The following SGMS1 variants were observed in gnomAD, a reference collection of about 807,000 sequenced individuals.
SGMS1 encodes phosphatidylcholine:ceramide cholinephosphotransferase 1.
In SGMS1, 13 loss-of-function variants were observed where a neutral mutation model predicts 46.2. That is an observed-to-expected ratio of 0.28 (90% CI 0.18 to 0.45). SGMS1 has a LOEUF of 0.45. SGMS1 is among the 20% of genes least tolerant of loss of function. The pLI is 1.00. For missense variants in SGMS1, 324 were observed against 519.9 expected (o/e 0.62, Z 3.66); for synonymous variants, 203 against 187.8 (o/e 1.08, Z -0.66).
At chr10:50,611,875 C>T (rs974509670) in intron 1 of SGMS1, among the ~76,000 whole-genome samples, 2 of 152,286 alleles carry the variant, frequency 1.3e-5, no homozygotes, top group Admixed American at 1.3e-4. Flanking sequence ...CACTGGCACC[C>T]CCCATCCCCT....
intron 6 of SGMS1, among the ~76,000 whole-genome samples, chr10:50,391,441 A>G (rs2133508665): frequency 6.6e-6 from 1 of 152,348 alleles, no homozygotes; most frequent in East Asian, 1.9e-4. Context: ...GCCAATCATT[A>G]GAGAAATGCA....
At chr10:50,456,755 G>A (rs2133676256) in intron 5 of SGMS1, among the ~76,000 whole-genome samples, 1 of 152,288 alleles carries the variant, frequency 6.6e-6, no homozygotes, top group South Asian at 2.1e-4. Flanking sequence ...CCAACTAGGA[G>A]AGCCAAATCA....
At chr10:50,319,158 C>T (rs1445015613) in intron 8 of SGMS1, among the ~76,000 whole-genome samples, 1 of 113,062 alleles carries the variant, frequency 8.8e-6, no homozygotes, top group African/African-American at 3.9e-5. Context: ...TGAGATTTGC[C>T]ACCAAAAAAA....
At chr10:50,546,826 C>T (rs765905471) in intron 2 of SGMS1, among the ~76,000 whole-genome samples, 4 of 151,882 alleles carry the variant, frequency 2.6e-5, no homozygotes, top group Non-Finnish European at 4.4e-5. Context: ...ACATATGTAA[C>T]AAACCTTCAC....
chr10:50,509,973 A>T (rs1837739625), intron 3 of SGMS1, among the ~76,000 whole-genome samples: 1 of 152,208 alleles, frequency 6.6e-6, no homozygotes, highest in Non-Finnish European at 1.5e-5. Context: ...TGACAAACAC[A>T]CACAGTCATG....
chr10:50,382,893 G>A (rs986038966), intron 6 of SGMS1, among the ~76,000 whole-genome samples: 1 of 152,078 alleles, frequency 6.6e-6, no homozygotes, highest in African/African-American at 2.4e-5. Flanking sequence ...CAATGTCTTG[G>A]CAAACAGCAA....
At chr10:50,622,216 C>A (rs1313336957) in intron 1 of SGMS1, among the ~76,000 whole-genome samples, 3 of 152,220 alleles carry the variant, frequency 2.0e-5, no homozygotes, top group African/African-American at 7.2e-5. Context: ...GCACCCATCC[C>A]CCGCAGCCTT....
chr10:50,427,355 C>T (rs1299231793), intron 6 of SGMS1, among the ~76,000 whole-genome samples: 1 of 152,142 alleles, frequency 6.6e-6, no homozygotes, highest in Admixed American at 6.5e-5. Context: ...GCCGAGATGG[C>T]GCCACAGCAC....
At chr10:50,622,485 T>C (rs889113082) in intron 1 of SGMS1, among the ~76,000 whole-genome samples, 5 of 152,104 alleles carry the variant, frequency 3.3e-5, no homozygotes, top group African/African-American at 1.2e-4. Flanking sequence ...GGGAGCCAAC[T>C]AGAAACATCC....
chr10:50,419,353 T>TA (rs1263228698), intron 6 of SGMS1, among the ~76,000 whole-genome samples: 8 of 152,220 alleles, frequency 5.3e-5, no homozygotes, highest in African/African-American at 1.9e-4. Context: ...GTTAAATATC[T>TA]AAAGAATTTT....
At chr10:50,620,690 A>G (rs1012880793) in intron 1 of SGMS1, among the ~76,000 whole-genome samples, 9 of 152,250 alleles carry the variant, frequency 5.9e-5, no homozygotes, top group African/African-American at 2.2e-4. Context: ...ATGAACTGGC[A>G]GCACACTCAT....
chr10:50,490,528 CA>C (rs1166043881), intron 3 of SGMS1, among the ~76,000 whole-genome samples: 4 of 152,186 alleles, frequency 2.6e-5, no homozygotes, highest in African/African-American at 9.7e-5. Context: ...GATTTCACAT[CA>C]TATGGTTTCT....
intron 6 of SGMS1, among the ~76,000 whole-genome samples, chr10:50,384,934 T>C (rs2133486611): frequency 6.6e-6 from 1 of 152,326 alleles, no homozygotes; most frequent in South Asian, 2.1e-4. Context: ...CTTTTTAATT[T>C]CACAAATTTC....
At chr10:50,370,065 A>G (rs575982221) in intron 6 of SGMS1, among the ~76,000 whole-genome samples, 2 of 152,292 alleles carry the variant, frequency 1.3e-5, no homozygotes, top group South Asian at 2.1e-4. Context: ...GACACCTATA[A>G]AGGGCACTTA....
intron 3 of SGMS1, among the ~76,000 whole-genome samples, chr10:50,510,691 T>C (rs995362614): frequency 6.6e-6 from 1 of 152,090 alleles, no homozygotes; most frequent in African/African-American, 2.4e-5. Context: ...CTGTGTATCC[T>C]TCACCCAGCT....
chr10:50,314,758 A>T (rs1476092350), intron 8 of SGMS1, among the ~76,000 whole-genome samples: 1 of 150,902 alleles, frequency 6.6e-6, no homozygotes, highest in Non-Finnish European at 1.5e-5. Context: ...CTGTCTGTAC[A>T]AAAAATGTAA....
intron 5 of SGMS1, among the ~76,000 whole-genome samples, chr10:50,436,191 G>A (rs960633338): frequency 5.3e-5 from 8 of 152,188 alleles, no homozygotes; most frequent in Admixed American, 2.0e-4. Flanking sequence ...TGCAAGCTCC[G>A]CCTCCCGGGT....
chr10:50,480,374 T>C (rs1837464863), intron 3 of SGMS1, among the ~76,000 whole-genome samples: 2 of 151,602 alleles, frequency 1.3e-5, no homozygotes, highest in African/African-American at 4.8e-5. Flanking sequence ...GAAGCAGCTG[T>C]GGACAGCAGC....
intron 6 of SGMS1, among the ~76,000 whole-genome samples, chr10:50,356,918 G>C (rs1020793859): frequency 3.3e-5 from 5 of 152,014 alleles, no homozygotes; most frequent in African/African-American, 1.2e-4. Context: ...GGCCTATTGT[G>C]GGGTGGGGGG....
Sources: allele counts gnomAD v4.1 joint callset (sites outside exome capture counted in the v4.1 genomes callset), GRCh38; gene constraint gnomAD v4.1.1; transcripts MANE v1.5; gene names NCBI Gene and HGNC (gene_info 2026-07-23, HGNC 2026-07-21).